Variants in ERMP1 observed in about 807,000 individuals in gnomAD.
ERMP1 encodes endoplasmic reticulum metallopeptidase 1, also known as Felix-ina.
ERMP1 carries 86 observed loss-of-function variants against 92.0 expected under a neutral mutation model. That is an observed-to-expected ratio of 0.93 (90% confidence interval 0.79 to 1.12). The LOEUF is 1.12. ERMP1 is among the 50% of genes most tolerant of loss of function. The pLI, the probability that ERMP1 is intolerant of heterozygous loss-of-function variation, is 0.00. For missense variants in ERMP1, 1,342 were observed against 1,116.3 expected (o/e 1.20, Z -2.88); for synonymous variants, 530 against 412.8 (o/e 1.28, Z -3.44).
upstream of ERMP1, among the ~76,000 whole-genome samples, chr9:5,836,963 T>C (rs1830102648): frequency 6.6e-6 from 1 of 152,178 alleles, no homozygotes; most frequent in African/African-American, 2.4e-5. Flanking sequence ...TCCCCTGTGT[T>C]TTCTACGTCC....
rs566949675 is a variant in ERMP1 at position 5,827,276 on chromosome 9, G to C, written c.641-2057C>G. On this transcript the variant is annotated intron_variant, in intron 2 of 14. Coordinates refer to ENST00000339450, the MANE Select transcript of ERMP1 (RefSeq NM_024896.3). The stretch of plus-strand genomic sequence containing the variant: ...CTATTTCAGGGGTGTCCAATCTTTT[G>C]GCTTCCATGGGCCACATTAAGAGAA... 2.0e-5 allele frequency among the ~76,000 whole-genome samples: 3 copies of C among 152,252 alleles called. No homozygotes were observed. The South Asian group carries it at 6.2e-4, about 32-fold the overall frequency.
At chr9:5,823,854 A>G (rs1272991836) in intron 4 of ERMP1, 42 bp downstream of exon 4, 3 of 1,353,272 alleles carry the variant, frequency 2.2e-6, no homozygotes, top group Non-Finnish European at 3.1e-6. Context: ...TTTTACAAAA[A>G]CTAGAATTGC....
chr9:5,810,373 G>C (rs953806743), intron 7 of ERMP1, 142 bp from the exon 8 acceptor site: 48 of 620,354 alleles, frequency 7.7e-5, no homozygotes, highest in South Asian at 6.0e-4. Flanking sequence ...CTAGTGTTGA[G>C]ATTGGCCAAA....
At position 5,857,610 on chromosome 9, in the gene ERMP1, C is replaced by A. The variant is rs112718274; in HGVS notation, n.3199+1858G>T. 3.8e-3 allele frequency among the ~76,000 whole-genome samples: 583 copies of A among 152,312 alleles called. 3 individuals are homozygous for A. Among genetic ancestry groups the A allele is most frequent in the Non-Finnish European group, 6.9e-3 (472 of 68,024 alleles). ...GTACATCCCATTGACTGAACCCAAC[C>A]AGAGGTCAGAATAACCTGTCAATAC... is the stretch of plus-strand genomic sequence containing the variant. On this transcript the variant is annotated intron_variant and non_coding_transcript_variant, in intron 6 of 6. Transcript: ENST00000690753.
rs772536893 is a variant in ERMP1 at position 5,787,142 on chromosome 9, G to T, written c.*2C>A. 2 of 1,611,812 alleles carry T rather than the reference G, an allele frequency of 1.2e-6. No homozygotes were observed. The highest frequency in any genetic ancestry group is 1.7e-6 in the Non-Finnish European group (2 of 1,178,788). Reference sequence around the variant, plus strand: ...GCATGTACTTAGAGCTCATCCACAAGATTAAAATACAAAGAGATCGTAGGT... The same window carrying T: ...GCATGTACTTAGAGCTCATCCACAATATTAAAATACAAAGAGATCGTAGGT... On this transcript the variant is annotated 3_prime_UTR_variant, in exon 15 of 15. Transcript: ENST00000339450.
chr9:5,786,465 T>C lies in ERMP1; in HGVS notation c.*679A>G, dbSNP rs1827939318. The C allele has an allele frequency of 6.6e-6, 1 of 152,276 alleles. No homozygotes were observed. The highest frequency in any genetic ancestry group is 1.5e-5 in the Non-Finnish European group (1 of 68,128). The allele number at this position is 152,276 out of a possible 1,614,324, so 9.4% of individuals were successfully genotyped here. A position where few individuals can be genotyped will look rare whatever the true frequency, so the allele number is the denominator to read the frequency against. ...GACATGTTTCAGAGGAAAACAGGCA[T>C]AGAAAACCACCTCAGGAAAGCAGCA... On this transcript the variant is annotated 3_prime_UTR_variant, in exon 15 of 15. Transcript: ENST00000339450.
intron 5 of ERMP1, among the ~76,000 whole-genome samples, chr9:5,862,394 G>T (rs1016005034): frequency 1.3e-5 from 2 of 150,214 alleles, no homozygotes; most frequent in African/African-American, 4.9e-5. Context: ...GTGCAGTGGT[G>T]CAATCATAGC....
At chr9:5,857,543 C>T (rs1050361834) in intron 6 of ERMP1, among the ~76,000 whole-genome samples, 1 of 152,184 alleles carries the variant, frequency 6.6e-6, no homozygotes, top group Non-Finnish European at 1.5e-5. Flanking sequence ...TGAGCATCTA[C>T]TATACCTAGA....
rs761849108 is a variant in ERMP1, at chr9:5,805,701, G to C, written c.1633C>G (p.Gln545Glu). The change falls in exon 9 of 15, where the codon CAA (glutamine) becomes GAA (glutamate). Residue 545 changes from glutamine (Q) to glutamate (E), a missense_variant. Transcript: ENST00000339450. ...HCCFLVTLTY[Q>E]GLCSAFISAV... ...CTAATAAACGCCGAGCAAAGTCCTT[G>C]GTAAGTGAGGGTAACAAGAAAACAG... 4.3e-6 allele frequency: 7 copies of C among 1,613,312 alleles called. No individual in the cohort carries two copies. In the South Asian group the frequency reaches 7.7e-5, roughly 18 times the overall value.
chr9:5,832,035 G>T (rs1404146838), intron 1 of ERMP1, among the ~76,000 whole-genome samples: 1 of 151,676 alleles, frequency 6.6e-6, no homozygotes, highest in African/African-American at 2.4e-5. Flanking sequence ...GACACACCTG[G>T]GTTACAATAT....
chr9:5,835,533 A>G (rs1243312149), upstream of ERMP1, among the ~76,000 whole-genome samples: 1 of 152,214 alleles, frequency 6.6e-6, no homozygotes, highest in Non-Finnish European at 1.5e-5. Context: ...GAACAGGGCC[A>G]CATAAGCCTG....
At chr9:5,837,773 T>A (rs1830111649), upstream of ERMP1, among the ~76,000 whole-genome samples, 1 of 152,218 alleles carries the variant, frequency 6.6e-6, no homozygotes, top group Admixed American at 6.5e-5. Flanking sequence ...AGCAAAGGAA[T>A]GCATGTGAAA....
Position 5,801,274 on chromosome 9 carries a change from A to C in ERMP1, c.1969T>G (p.Leu657Val). Residue 657 changes from leucine (L) to valine (V), a missense_variant, in exon 11 of 15, where the codon TTG (leucine) becomes GTG (valine). Leu to Val is a conservative substitution (Grantham distance 32). Coordinates refer to ENST00000339450, the MANE Select transcript of ERMP1 (RefSeq NM_024896.3). ...STKKTMLTLT[L>V]VCAITFLLVC... is the part of the protein sequence containing the mutation. ...AGGAGGAATGTAATTGCACATACCAAAGTTAAAGTTAGCATGGTTTTTTTT... is the reference window on the plus strand; with the variant it reads ...AGGAGGAATGTAATTGCACATACCACAGTTAAAGTTAGCATGGTTTTTTTT... The C allele has an allele frequency of 1.2e-6, 2 of 1,613,752 alleles. No homozygotes were observed. Among genetic ancestry groups the C allele is most frequent in the Non-Finnish European group, 1.7e-6 (2 of 1,179,830 alleles).
chr9:5,839,639 T>G (rs1048532909), intron 6 of ERMP1, among the ~76,000 whole-genome samples: 4 of 151,846 alleles, frequency 2.6e-5, no homozygotes, highest in Non-Finnish European at 5.9e-5. Context: ...TGAGCCCCCC[T>G]CTACGTAGCT....
At chr9:5,787,672 C>T in intron 13 of ERMP1, 79 bp from the exon 14 acceptor site, 14 of 1,380,920 alleles carry the variant, frequency 1.0e-5, no homozygotes, top group Non-Finnish European at 1.4e-5. Flanking sequence ...AACCAGACTT[C>T]ATAAAGGTTC....
In ERMP1 at chr9:5,833,097, G is replaced by A. The variant is rs1034204112; in HGVS notation, c.-70C>T. 7.6e-7 allele frequency: 1 copy of A among 1,324,100 alleles called. No homozygotes were observed. The highest frequency in any genetic ancestry group is 9.8e-7 in the Non-Finnish European group (1 of 1,022,268). The allele number at this position is 1,324,100 out of a possible 1,614,324, so 82.0% of individuals were successfully genotyped here. A position where few individuals can be genotyped will look rare whatever the true frequency, so the allele number is the denominator to read the frequency against. ...AGCCCCGGCCGCCGCCGACGCCGCC[G>A]TCGCTGCCGCAGCGCCTCCTAGTGA... On this transcript the variant is annotated 5_prime_UTR_variant, in exon 1 of 15. The change creates a new upstream start codon in the 5' untranslated region. Transcript: ENST00000339450.
At chr9:5,802,124 TGAGA>T (rs1330071550) in intron 10 of ERMP1, among the ~76,000 whole-genome samples, 1 of 152,188 alleles carries the variant, frequency 6.6e-6, no homozygotes, top group Non-Finnish European at 1.5e-5. Flanking sequence ...TTGTGAATAC[TGAGA>T]GAAAGATGGA....
intron 2 of ERMP1, among the ~76,000 whole-genome samples, chr9:5,829,160 A>G (rs1829840989): frequency 6.7e-6 from 1 of 148,732 alleles, no homozygotes; most frequent in African/African-American, 2.5e-5. Context: ...GGATGCAGTG[A>G]GCCAAGATTG....
At position 5,806,632 on chromosome 9, in the gene ERMP1, G is replaced by A. The variant is rs572846840; in HGVS notation, c.1549-847C>T. On this transcript the variant is annotated intron_variant, in intron 8 of 14. Transcript: ENST00000339450. ...ACATTTTTTTTTTGGCAGAGACAGG[G>A]TCTTGCCATGTTGCTCAGCCTGGTC... is the stretch of plus-strand genomic sequence containing the variant. Among the ~76,000 whole-genome samples, 14 of 151,954 alleles carry A rather than the reference G, an allele frequency of 9.2e-5. No homozygotes were observed. The South Asian group carries it at 1.0e-3, about 11-fold the overall frequency.
Sources: allele counts gnomAD v4.1 joint callset (sites outside exome capture counted in the v4.1 genomes callset), GRCh38; gene constraint gnomAD v4.1.1; transcripts MANE v1.5; gene names NCBI Gene and HGNC (gene_info 2026-07-23, HGNC 2026-07-21).